Variants in SMAP1 observed in about 807,000 individuals in gnomAD.
SMAP1 encodes the protein small ArfGAP 1, also known as stromal membrane-associated protein 1.
Under a neutral mutation model 58.5 loss-of-function variants are expected in SMAP1, and 24 were observed. The ratio of observed to expected loss-of-function variants is 0.41; its 90% CI spans 0.30 to 0.58. The LOEUF (loss-of-function observed/expected upper bound fraction) is 0.58. Among genes scored for constraint, SMAP1 ranks in the 20% least tolerant of loss-of-function variants. The pLI, the probability that SMAP1 is intolerant of heterozygous loss-of-function variation, is 0.29. For synonymous variants in SMAP1, 216 were observed against 196.6 expected (o/e 1.10, Z -0.82); for missense variants, 563 against 566.3 (o/e 0.99, Z 0.06).
intron 1 of SMAP1, among the ~76,000 whole-genome samples, chr6:70,690,778 TG>T (rs1300977658): frequency 2.0e-5 from 3 of 151,784 alleles, no homozygotes; most frequent in African/African-American, 7.3e-5. Context: ...TTTTATTTCT[TG>T]TGATATCTTT....
At chr6:70,759,448 T>G (rs762886374) in intron 3 of SMAP1, among the ~76,000 whole-genome samples, 7 of 152,000 alleles carry the variant, frequency 4.6e-5, no homozygotes, top group Admixed American at 2.0e-4. Context: ...AAATTTTGGT[T>G]TCATCCTTTA....
chr6:70,838,679 A>G (rs1479507500), intron 7 of SMAP1, among the ~76,000 whole-genome samples: 4 of 151,954 alleles, frequency 2.6e-5, no homozygotes, highest in African/African-American at 9.7e-5. Flanking sequence ...AGCAAGGATG[A>G]CAGTGTGGCT....
chr6:70,824,363 C>G (rs1023596237), intron 6 of SMAP1, among the ~76,000 whole-genome samples: 8 of 151,978 alleles, frequency 5.3e-5, no homozygotes, highest in African/African-American at 1.9e-4. Context: ...ACAGGGCTAG[C>G]TACATAATTT....
chr6:70,784,895 G>A (rs923778105), intron 4 of SMAP1, among the ~76,000 whole-genome samples: 3 of 152,068 alleles, frequency 2.0e-5, no homozygotes, highest in Admixed American at 1.3e-4. Context: ...ACAGATCAAC[G>A]AGACAGAAAG....
At chr6:70,769,065 G>A (rs1409967184) in intron 3 of SMAP1, among the ~76,000 whole-genome samples, 1 of 152,194 alleles carries the variant, frequency 6.6e-6, no homozygotes, top group Non-Finnish European at 1.5e-5. Context: ...GCAGTTTTGA[G>A]TGAGTTTTTT....
intron 1 of SMAP1, among the ~76,000 whole-genome samples, chr6:70,725,225 T>C (rs1768722663): frequency 1.4e-5 from 2 of 147,648 alleles, no homozygotes; most frequent in African/African-American, 2.5e-5. Flanking sequence ...CACATTATTC[T>C]CCTGCCTCAG....
intron 6 of SMAP1, among the ~76,000 whole-genome samples, chr6:70,803,348 C>T (rs1366706261): frequency 6.6e-6 from 1 of 151,968 alleles, no homozygotes; most frequent in Non-Finnish European, 1.5e-5. Flanking sequence ...TGGTGATACC[C>T]CTTTATCATT....
chr6:70,841,626 A>G (rs577017985), intron 7 of SMAP1, among the ~76,000 whole-genome samples: 3 of 152,320 alleles, frequency 2.0e-5, no homozygotes, highest in African/African-American at 7.2e-5. Context: ...ATACTGAACT[A>G]TATGGAGAAG....
intron 4 of SMAP1, among the ~76,000 whole-genome samples, chr6:70,787,619 C>G (rs199746566): frequency 6.9e-6 from 1 of 144,208 alleles, no homozygotes; most frequent in African/African-American, 2.6e-5. Flanking sequence ...AACAAACAAC[C>G]CCATCAAAAA....
At chr6:70,710,493 C>CAAAAAAAAAAAAAA (rs35171922) in intron 1 of SMAP1, among the ~76,000 whole-genome samples, 1 of 75,302 alleles carries the variant, frequency 1.3e-5, no homozygotes. Flanking sequence ...ACTCCCATCT[C>CAAAAAAAAAAAAAA]AAAAAAAAAA....
intron 4 of SMAP1, among the ~76,000 whole-genome samples, chr6:70,781,386 T>A (rs1185157863): frequency 1.3e-5 from 2 of 152,138 alleles, no homozygotes; most frequent in East Asian, 1.9e-4. Flanking sequence ...AGTAAATGTT[T>A]ACGTTTTCAG....
chr6:70,676,385 A>AGGAG (rs1766483308), intron 1 of SMAP1, among the ~76,000 whole-genome samples: 1 of 152,188 alleles, frequency 6.6e-6, no homozygotes, highest in African/African-American at 2.4e-5. Flanking sequence ...TAATAAGGGT[A>AGGAG]CAGTCTGGAG....
intron 1 of SMAP1, among the ~76,000 whole-genome samples, chr6:70,707,650 A>G (rs1480394075): frequency 6.6e-6 from 1 of 152,026 alleles, no homozygotes; most frequent in African/African-American, 2.4e-5. Context: ...CTGTCACCCA[A>G]GCTGGAGTGC....
chr6:70,675,198 G>GTTT (rs67744035), intron 1 of SMAP1, among the ~76,000 whole-genome samples: 1 of 109,960 alleles, frequency 9.1e-6, no homozygotes, highest in African/African-American at 3.5e-5. Flanking sequence ...ATTATATAGT[G>GTTT]TTTTTTTTTT....
chr6:70,826,411 AACTT>A, intron 6 of SMAP1, among the ~76,000 whole-genome samples: 3 of 151,648 alleles, frequency 2.0e-5, no homozygotes, highest in Admixed American at 2.0e-4. Flanking sequence ...TTTTTTTAAC[AACTT>A]ACTTCTTTTC....
intron 6 of SMAP1, among the ~76,000 whole-genome samples, chr6:70,809,661 C>A (rs1769301155): frequency 6.6e-6 from 1 of 152,108 alleles, no homozygotes; most frequent in South Asian, 2.1e-4. Context: ...TGCGTGAATG[C>A]ATTTTAGAAC....
intron 5 of SMAP1, 112 bp downstream of exon 5, chr6:70,791,881 C>A: frequency 1.2e-6 from 1 of 835,594 alleles, no homozygotes; most frequent in South Asian, 2.5e-5. Flanking sequence ...TTTGAATGAT[C>A]CCTAGAATTA....
intron 4 of SMAP1, among the ~76,000 whole-genome samples, chr6:70,783,120 G>A (rs903281728): frequency 1.5e-4 from 23 of 152,132 alleles, no homozygotes; most frequent in African/African-American, 5.6e-4. Flanking sequence ...CAGCATTTGC[G>A]GTTCATGAAA....
Position 70,861,804 on chromosome 6 carries a change from T to C in SMAP1, c.*1470T>C. 1 of 1,614,028 alleles carries C rather than the reference T, an allele frequency of 6.2e-7. No individual in the cohort carries two copies. Among genetic ancestry groups the C allele is most frequent in the Non-Finnish European group, 8.5e-7 (1 of 1,179,958 alleles). ...GCACTCTTCATGGTGACACTCGAGG[T>C]CGGGCAGCACAAGTGTAATGAATAC... On this transcript the variant is annotated 3_prime_UTR_variant, in exon 11 of 11. Coordinates refer to ENST00000370455, the MANE Select transcript of SMAP1 (RefSeq NM_001044305.3).
Sources: gnomAD v4.1 joint callset for allele counts (sites outside exome capture counted in the v4.1 genomes callset) on GRCh38, gnomAD v4.1.1 for gene constraint, MANE v1.5 for transcripts, NCBI Gene and HGNC (gene_info 2026-07-23, HGNC 2026-07-21) for gene names.